The following CREBBP variants were observed in gnomAD, a reference collection of about 807,000 sequenced individuals.
CREBBP encodes the protein CREB-binding protein.
In CREBBP, 19 loss-of-function variants were observed where a neutral mutation model predicts 265.0. The observed-to-expected ratio is 0.07, with a 90% CI of 0.05 to 0.11. The LOEUF is 0.11. Ranked by LOEUF, CREBBP falls within the 10% of genes least tolerant of loss-of-function variation. The pLI is 1.00. For synonymous variants in CREBBP, 1,457 were observed against 1,223.7 expected (o/e 1.19, Z -3.98); for missense variants, 2,525 against 3,219.0 (o/e 0.78, Z 5.22).
intron 5 of CREBBP, among the ~76,000 whole-genome samples, chr16:3,783,440 A>G (rs561147180): frequency 4.6e-5 from 7 of 152,344 alleles, no homozygotes; most frequent in South Asian, 2.1e-4. Flanking sequence ...TAATAAATCT[A>G]TAATGTGCTC....
At chr16:3,857,263 T>A (rs1407487016) in intron 1 of CREBBP, among the ~76,000 whole-genome samples, 1 of 152,206 alleles carries the variant, frequency 6.6e-6, no homozygotes, top group African/African-American at 2.4e-5. Context: ...CACTTTTTCA[T>A]CCTATTTCAG....
At chr16:3,838,216 T>C (rs2054494962) in intron 2 of CREBBP, among the ~76,000 whole-genome samples, 1 of 152,206 alleles carries the variant, frequency 6.6e-6, no homozygotes, top group Non-Finnish European at 1.5e-5. Flanking sequence ...TATAAACACT[T>C]AGCATTGTGG....
intron 1 of CREBBP, 134 bp downstream of exon 1, chr16:3,879,698 A>C: frequency 1.0e-6 from 1 of 952,992 alleles, no homozygotes; most frequent in Non-Finnish European, 1.6e-6. Context: ...GCGCGGGGCG[A>C]GGGGAACGGG....
intron 1 of CREBBP, among the ~76,000 whole-genome samples, chr16:3,855,383 T>C (rs183546330): frequency 0.023 from 3,479 of 152,264 alleles, 135 homozygotes; most frequent in African/African-American, 0.079. Flanking sequence ...TTCTCCAACC[T>C]CAGCCAGAAT....
chr16:3,782,910 T>C lies in CREBBP; in HGVS notation c.1347A>G (p.Pro449=). 3 of 1,614,186 alleles carry C rather than the reference T, an allele frequency of 1.9e-6. No individual in the cohort carries two copies. The highest frequency in any genetic ancestry group is 2.5e-6 in the Non-Finnish European group (3 of 1,180,046). Residue 449 remains proline, a synonymous_variant, in exon 6 of 31, where the codon CCA becomes CCG. Transcript: ENST00000262367. ...KRNQQTILGS[P]ASGIQNTIGS... ...CAATTGTGTTTTGAATTCCACTAGCTGGAGACCCCAGGATGGCTATAACGA... is the reference window on the plus strand; with the variant it reads ...CAATTGTGTTTTGAATTCCACTAGCCGGAGACCCCAGGATGGCTATAACGA...
intron 2 of CREBBP, among the ~76,000 whole-genome samples, chr16:3,848,073 G>C: frequency 6.6e-6 from 1 of 152,120 alleles, no homozygotes; most frequent in South Asian, 2.1e-4. Context: ...AGGAGGCTGA[G>C]GCAGGACAAT....
Position 3,728,672 on chromosome 16 carries a change from G to C in CREBBP, c.6375C>G (p.Pro2125=), listed in dbSNP as rs772410741. The C allele has an allele frequency of 1.9e-6, 3 of 1,613,766 alleles. No homozygotes were observed. The highest frequency in any genetic ancestry group is 2.2e-5 in the East Asian group (1 of 44,856). Residue 2125 remains proline (P), a synonymous_variant, in exon 31 of 31, where the codon CCC becomes CCG. Transcript: ENST00000262367. The surrounding 1 kb of genome is among the most constrained non-coding windows in gnomAD (Gnocchi z 8.7). The stretch of plus-strand genomic sequence containing the variant: ...GCATGCCAGGCTGGGGTTGCATGCC[G>C]GGCTGGGACTGGAGGCCAGGCTGGG... ...MQPQPGLQSQ[P]GMQPQPGMHQ... is the part of the protein sequence containing the mutation.
intron 5 of CREBBP, among the ~76,000 whole-genome samples, chr16:3,785,895 G>A (rs142180902): frequency 1.7e-3 from 260 of 152,242 alleles, no homozygotes; most frequent in Admixed American, 3.6e-3. Context: ...CTCCTGTCCC[G>A]GATATTTACC....
At chr16:3,846,847 T>C (rs2054678402) in intron 2 of CREBBP, among the ~76,000 whole-genome samples, 1 of 152,214 alleles carries the variant, frequency 6.6e-6, no homozygotes, top group Non-Finnish European at 1.5e-5. Flanking sequence ...TTGCCTTTGG[T>C]GAGAATTTGG....
intron 19 of CREBBP, among the ~76,000 whole-genome samples, chr16:3,753,814 C>G (rs530294642): frequency 6.6e-6 from 1 of 152,284 alleles, no homozygotes; most frequent in South Asian, 2.1e-4. Context: ...ATGATACAAT[C>G]AAACACGCAG....
intron 1 of CREBBP, among the ~76,000 whole-genome samples, chr16:3,864,385 C>G (rs1025353075): frequency 6.6e-6 from 1 of 152,180 alleles, no homozygotes. Flanking sequence ...TGGCTCACAC[C>G]TATAATCCTG....
At chr16:3,757,633 G>A (rs957672886) in intron 18 of CREBBP, among the ~76,000 whole-genome samples, 176 bp downstream of exon 18, 43 of 152,056 alleles carry the variant, frequency 2.8e-4, no homozygotes, top group African/African-American at 9.2e-4. Flanking sequence ...CTCAGTAAGC[G>A]CCTGTACACC....
At position 3,763,248 on chromosome 16, in the gene CREBBP, T is replaced by C. The variant is rs569432597; in HGVS notation, c.3251-4276A>G. On this transcript the variant is annotated intron_variant, in intron 16 of 30. Coordinates refer to ENST00000262367, the MANE Select transcript of CREBBP (RefSeq NM_004380.3). ...CCCACTGCATGCAAACTTGACCTCC[T>C]AGGCTCAAGCAACCCTCCTAATTCA... Among the ~76,000 whole-genome samples the C allele has an allele frequency of 4.0e-5, 6 of 151,896 alleles. 1 individual carries two copies. Among genetic ancestry groups the C allele is most frequent in the Middle Eastern group, 3.4e-3 (1 of 292 alleles).
chr16:3,759,997 TCA>T (rs1285601565), intron 16 of CREBBP, among the ~76,000 whole-genome samples: 1 of 152,226 alleles, frequency 6.6e-6, no homozygotes, highest in East Asian at 1.9e-4. Flanking sequence ...TCATGTTCAC[TCA>T]CACAGAGAAG....
At chr16:3,870,881 A>G (rs1303901965) in intron 1 of CREBBP, among the ~76,000 whole-genome samples, 1 of 152,100 alleles carries the variant, frequency 6.6e-6, no homozygotes, top group Non-Finnish European at 1.5e-5. Context: ...AGCCAGGCAC[A>G]GTGGCTCCAT....
chr16:3,780,634 G>C, intron 8 of CREBBP, 98 bp downstream of exon 8: 1 of 1,334,442 alleles, frequency 7.5e-7, no homozygotes, highest in Non-Finnish European at 1.1e-6. Flanking sequence ...AAATAAGCAC[G>C]TGACTTGTAT....
chr16:3,851,213 G>A lies in CREBBP; in HGVS notation c.86-204C>T, dbSNP rs146029241. Among the ~76,000 whole-genome samples the A allele has an allele frequency of 1.0e-4, 15 of 150,140 alleles. No homozygotes were observed. In the East Asian group the frequency reaches 1.8e-3, roughly 18 times the overall value. On this transcript the variant is annotated intron_variant, in intron 1 of 30. Coordinates refer to ENST00000262367, the MANE Select transcript of CREBBP (RefSeq NM_004380.3). The stretch of plus-strand genomic sequence containing the variant: ...TAAGGCAGGAGAATAGCTTGAACCC[G>A]GGAGGTGGAGGATGCGGTGAGCCAA...
intron 1 of CREBBP, among the ~76,000 whole-genome samples, chr16:3,859,456 A>T (rs1180674535): frequency 2.6e-5 from 4 of 152,142 alleles, no homozygotes; most frequent in Non-Finnish European, 4.4e-5. Flanking sequence ...GGCCTCACAA[A>T]TTGCTGGGAT....
intron 3 of CREBBP, among the ~76,000 whole-genome samples, chr16:3,802,670 G>C (rs1596967845): frequency 6.6e-6 from 1 of 151,906 alleles, no homozygotes; most frequent in African/African-American, 2.4e-5. Flanking sequence ...GTCTTCAAAG[G>C]ACCCTGTGTT....
Sources: gnomAD v4.1 joint callset for allele counts (sites outside exome capture counted in the v4.1 genomes callset) on GRCh38, gnomAD v4.1.1 for gene constraint, Gnocchi (gnomAD v3.1) non-coding constraint, MANE v1.5 for transcripts, NCBI Gene and HGNC (gene_info 2026-07-23, HGNC 2026-07-21) for gene names.